The following THBS2 variants were observed in gnomAD, a reference collection of about 807,000 sequenced individuals.
THBS2 encodes the protein thrombospondin 2.
THBS2 carries 47 observed loss-of-function variants against 135.2 expected under a neutral mutation model. The observed-to-expected ratio is 0.35, with a 90% CI of 0.28 to 0.44. The LOEUF is 0.44. Ranked by LOEUF, THBS2 falls within the 20% of genes least tolerant of loss-of-function variation. The pLI, the probability that THBS2 is intolerant of heterozygous loss-of-function variation, is 1.00. For synonymous variants in THBS2, 639 were observed against 633.8 expected (o/e 1.01, Z -0.12); for missense variants, 1,288 against 1,603.1 (o/e 0.80, Z 3.36).
chr6:169,241,285 C>T lies in THBS2; in HGVS notation c.891+477G>A, dbSNP rs12182735. 0.014 allele frequency among the ~76,000 whole-genome samples: 2,097 copies of T among 152,290 alleles called. 32 individuals carry two copies. Among genetic ancestry groups the T allele is most frequent in the East Asian group, 0.075 (387 of 5,168 alleles). On this transcript the variant is annotated intron_variant, in intron 5 of 21. Transcript: ENST00000617924. The surrounding 1 kb of genome is among the most constrained non-coding windows in gnomAD (Gnocchi z 5.5). ...CGCAGGCATCGCTCTCTCTTCCTGGCCGCGCTGTGCCGCTCAAACCCATTT... is the reference window on the plus strand; with the variant it reads ...CGCAGGCATCGCTCTCTCTTCCTGGTCGCGCTGTGCCGCTCAAACCCATTT...
At chr6:169,240,329 T>A in intron 6 of THBS2, 123 bp downstream of exon 6, 1 of 1,337,236 alleles carries the variant, frequency 7.5e-7, no homozygotes, top group Non-Finnish European at 1.0e-6. Flanking sequence ...ACACTGAAAT[T>A]TCCTCACATA....
At position 169,240,530 on chromosome 6, in the gene THBS2, T is replaced by C. The variant is rs1300638922; in HGVS notation, c.954A>G (p.Ser318=). The C allele has an allele frequency of 6.2e-7, 1 of 1,614,072 alleles. No homozygotes were observed. The highest frequency in any genetic ancestry group is 1.1e-5 in the South Asian group (1 of 91,084). The change falls in exon 6 of 22, where the codon TCA becomes TCG. Residue 318 remains serine, a synonymous_variant. Transcript: ENST00000617924. ...AGAACCGGCCATCCTGCCAGCAAGCTGACATGTTCCTTGTCTTAGGAGGGC... is the reference window on the plus strand; with the variant it reads ...AGAACCGGCCATCCTGCCAGCAAGCCGACATGTTCCTTGTCTTAGGAGGGC... ...IGGPPKTRNM[S]ACWQDGRFFA...
In THBS2 at chr6:169,248,567, G is replaced by A. The variant is rs141150786; in HGVS notation, c.459C>T (p.Thr153=). 1.4e-4 allele frequency: 227 copies of A among 1,613,998 alleles called. No individual in the cohort carries two copies. The African/African-American group carries it at 2.1e-3, about 15-fold the overall frequency. The change falls in exon 3 of 22, where the codon ACC becomes ACT. Residue 153 remains threonine (T), a synonymous_variant. Coordinates refer to ENST00000617924, the MANE Select transcript of THBS2 (RefSeq NM_003247.5). ...TGTAGGTCTCGCCAGCCACCTGCAC[G>A]GTGACGTTCTTCCACTGCGAGTCAG... ...GLADSQWKNV[T]VQVAGETYSL...
At chr6:169,246,313 A>C in intron 3 of THBS2, 32 bp from the exon 4 acceptor site, 1 of 1,544,830 alleles carries the variant, frequency 6.5e-7, no homozygotes, top group Non-Finnish European at 8.9e-7. Context: ...AAAATAGAGC[A>C]ACAGATAAAC....
At position 169,242,871 on chromosome 6, in the gene THBS2, ACCTTCC is replaced by A. The variant is rs1780391680; in HGVS notation, c.695-919_695-914del. Reference sequence around the variant, plus strand: ...ACTGCTCCCACCTTCCCACCTTCCCACCTTCCCACCACTCCCACCTTCCCAGTGCTC... The same window carrying A: ...ACTGCTCCCACCTTCCCACCTTCCCACACCACTCCCACCTTCCCAGTGCTC... On this transcript the variant is annotated intron_variant, in intron 4 of 21. Transcript: ENST00000617924. 3.8e-4 allele frequency among the ~76,000 whole-genome samples: 14 copies of A among 37,098 alleles called. 1 individual carries two copies. The highest frequency in any genetic ancestry group is 5.3e-4 in the Non-Finnish European group (11 of 20,738). 24.3% of individuals were successfully genotyped at this position (37,098 alleles called of 152,430 possible).
In THBS2 at chr6:169,246,246, G is replaced by C; in HGVS notation, c.645C>G (p.Asn215Lys). 6.2e-7 allele frequency: 1 copy of C among 1,613,916 alleles called. No homozygotes were observed. ...TCTTGCTTAGAATATCTTCCACAGA[G>C]TTTTCAAACACTAGGTGGACGTTCT... ...LLQNVHLVFE[N>K]SVEDILSKKG... Residue 215 changes from asparagine to lysine, a missense_variant, in exon 4 of 22, where the codon AAC (asparagine) becomes AAG (lysine). Asn to Lys is a moderately conservative substitution (Grantham distance 94). This residue lies in a region of THBS2 where 414 missense variants were observed against 447.0 expected (regional missense o/e 0.93). Coordinates refer to ENST00000617924, the MANE Select transcript of THBS2 (RefSeq NM_003247.5).
At chr6:169,222,817 GA>G (rs112288720) in intron 18 of THBS2, among the ~76,000 whole-genome samples, 68,082 of 126,670 alleles carry the variant, frequency 0.54, 16,195 homozygotes, top group African/African-American at 0.64. Context: ...AGAAAAAAAA[GA>G]AAAAAAAAAG....
At chr6:169,237,002 G>T (rs1479543354) in intron 9 of THBS2, among the ~76,000 whole-genome samples, 168 bp downstream of exon 9, 1 of 152,260 alleles carries the variant, frequency 6.6e-6, no homozygotes, top group African/African-American at 2.4e-5. Flanking sequence ...CAAAGGATGG[G>T]TTCATTACCG....
At chr6:169,242,014 G>A in intron 4 of THBS2, 56 bp from the exon 5 acceptor site, 4 of 1,549,290 alleles carry the variant, frequency 2.6e-6, no homozygotes, top group Non-Finnish European at 3.5e-6. Flanking sequence ...CCAGCAGCAG[G>A]GGCTGGGAAC....
Position 169,252,438 on chromosome 6 carries a change from C to T in THBS2, c.-23+1286G>A, listed in dbSNP as rs1024062936. 7.2e-5 allele frequency among the ~76,000 whole-genome samples: 11 copies of T among 152,228 alleles called. No individual in the cohort carries two copies. Among genetic ancestry groups the T allele is most frequent in the Non-Finnish European group, 1.5e-5 (1 of 68,030 alleles). ...TAAGGACAGCTGTGTGGGGCTGGCC[C>T]TGCAGAGGCCAGCCAAGAACAGGAT... On this transcript the variant is annotated intron_variant, in intron 1 of 21. Coordinates refer to ENST00000617924, the MANE Select transcript of THBS2 (RefSeq NM_003247.5). The surrounding 1 kb of genome is among the most constrained non-coding windows in gnomAD (Gnocchi z 4.3).
At chr6:169,220,559 G>A (rs539666938) in intron 20 of THBS2, among the ~76,000 whole-genome samples, 1 of 152,312 alleles carries the variant, frequency 6.6e-6, no homozygotes, top group African/African-American at 2.4e-5. Flanking sequence ...CCACACTATT[G>A]TCACAATCTG....
rs753531627 is a variant in THBS2 at position 169,252,879 on chromosome 6, G to T, written c.-23+845C>A. ...AACTCTTTTCGTATGAACAATCAAA[G>T]TAAAAGATAGCTTTGCAGAGAGCTA... On this transcript the variant is annotated intron_variant, in intron 1 of 21. Transcript: ENST00000617924. This position sits in a 1 kb window ranked among gnomAD's most constrained non-coding sequence, Gnocchi z 4.3. Among the ~76,000 whole-genome samples the T allele has an allele frequency of 1.1e-4, 16 of 152,298 alleles. No homozygotes were observed. The highest frequency in any genetic ancestry group is 6.8e-3 in the Middle Eastern group (2 of 294).
chr6:169,243,458 CG>C (rs1384274093), intron 4 of THBS2, among the ~76,000 whole-genome samples: 4 of 152,198 alleles, frequency 2.6e-5, no homozygotes, highest in African/African-American at 4.8e-5. Flanking sequence ...TGACTTCTCT[CG>C]GACAGTCCAT....
Position 169,228,158 on chromosome 6 carries a change from C to G in THBS2, c.2383G>C (p.Glu795Gln). The change falls in exon 15 of 22, where the codon GAG (glutamate) becomes CAG (glutamine). Residue 795 changes from glutamate (E) to glutamine (Q), a missense_variant. By Grantham distance (29) the Glu-to-Gln change is conservative. This residue lies in a region of THBS2 where 874 missense variants were observed against 1,156.1 expected (regional missense o/e 0.76). Transcript: ENST00000617924. ...PAQIDTDNNG[E>Q]GDACSVDIDG... ...ATGTCCACGGAGCAGGCGTCACCCT[C>G]TCCATTGTTGTCTGTGTCGATCTGG... 2 of 1,614,050 alleles carry G rather than the reference C, an allele frequency of 1.2e-6. No homozygotes were observed. Among genetic ancestry groups the G allele is most frequent in the South Asian group, 2.2e-5 (2 of 91,062 alleles).
chr6:169,238,788 G>A (rs1583415617), intron 7 of THBS2, among the ~76,000 whole-genome samples: 1 of 152,238 alleles, frequency 6.6e-6, no homozygotes, highest in African/African-American at 2.4e-5. Flanking sequence ...CCCTGAGGAT[G>A]ACACAGCTCT....
intron 4 of THBS2, among the ~76,000 whole-genome samples, chr6:169,245,589 G>A (rs1472493830): frequency 3.9e-5 from 6 of 152,022 alleles, no homozygotes; most frequent in South Asian, 4.1e-4. Context: ...TCAGGAGATC[G>A]AGACCATCTT....
intron 10 of THBS2, among the ~76,000 whole-genome samples, chr6:169,234,088 C>T (rs868417964): frequency 6.6e-6 from 1 of 151,108 alleles, no homozygotes; most frequent in Non-Finnish European, 1.5e-5. Context: ...CACCGCACAA[C>T]TACCTACACA....
chr6:169,240,051 C>T (rs1404597770), intron 6 of THBS2, among the ~76,000 whole-genome samples: 4 of 152,202 alleles, frequency 2.6e-5, no homozygotes, highest in African/African-American at 9.7e-5. Context: ...AATAGAGTAA[C>T]ATTAAAAGCT....
chr6:169,223,338 C>T lies in THBS2; in HGVS notation c.2911G>A (p.Gly971Arg). 1 of 1,614,178 alleles carries T rather than the reference C, an allele frequency of 6.2e-7. No homozygotes were observed. Among genetic ancestry groups the T allele is most frequent in the Non-Finnish European group, 8.5e-7 (1 of 1,180,040 alleles). Residue 971 changes from glycine to arginine, a missense_variant, in exon 18 of 22, where the codon GGG becomes AGG. Coordinates refer to ENST00000617924, the MANE Select transcript of THBS2 (RefSeq NM_003247.5). ...CAGTTGGGATCAATTTGGGTGGTCC[C>T]TTTGGGATCCAAGGGGACCATCTGG... ...NFQMVPLDPK[G>R]TTQIDPNWVI...
Sources: gnomAD v4.1 joint callset for allele counts (sites outside exome capture counted in the v4.1 genomes callset) on GRCh38, gnomAD v4.1.1 for gene constraint, gnomAD v4.1.1 regional missense constraint, Gnocchi (gnomAD v3.1) non-coding constraint, MANE v1.5 for transcripts, NCBI Gene and HGNC (gene_info 2026-07-23, HGNC 2026-07-21) for gene names.